Variants in FMO3 observed in about 807,000 individuals in gnomAD.
FMO3 encodes the protein flavin containing dimethylaniline monoxygenase 3.
Under a neutral mutation model 39.4 loss-of-function variants are expected in FMO3, and 40 were observed. The observed-to-expected ratio is 1.02, with a 90% CI of 0.79 to 1.32. The LOEUF is 1.32. Among genes scored for constraint, FMO3 ranks in the 40% most tolerant of loss-of-function variants. FMO3 has a pLI of 0.00. For missense variants in FMO3, 680 were observed against 651.8 expected, an observed-to-expected ratio of 1.04 and a Z score of -0.47; for synonymous variants, 219 against 228.8, an observed-to-expected ratio of 0.96 and a Z score of 0.39.
At chr1:171,100,395 C>T (rs1029880948) in intron 2 of FMO3, 1 of 152,248 alleles carries the variant, frequency 6.6e-6, no homozygotes, top group Non-Finnish European at 1.5e-5. Context: ...ATTTGTCCTA[C>T]TGGATTTCAA....
intron 2 of FMO3, 59 bp from the exon 3 acceptor site, chr1:171,103,726 G>A (rs1655511117): frequency 1.4e-6 from 2 of 1,410,232 alleles, no homozygotes; most frequent in Middle Eastern, 1.8e-4. Flanking sequence ...AACCAGCCCT[G>A]ACCATGATCA....
chr1:171,096,626 C>CTTTATATATTAAATACATAATATAT (rs1655085104), intron 2 of FMO3, among the ~76,000 whole-genome samples: 1 of 103,810 alleles, frequency 9.6e-6, no homozygotes, highest in Admixed American at 1.2e-4. Flanking sequence ...ACATAATATA[C>CTTTATATATTAAATACATAATATAT]TTTATATATT....
rs141741081 is a variant in FMO3, at chr1:171,102,017, T to C, written c.133-1768T>C. Among the ~76,000 whole-genome samples, 19 of 152,262 alleles carry C rather than the reference T, an allele frequency of 1.2e-4. No individual in the cohort carries two copies. The East Asian group carries it at 3.7e-3, about 29-fold the overall frequency. On this transcript the variant is annotated intron_variant, in intron 2 of 8. Coordinates refer to ENST00000367755, the MANE Select transcript of FMO3 (RefSeq NM_001002294.3). Reference sequence around the variant, plus strand: ...TAAACTTACCCAACTCACAGAAAGCTACAAATTTTTGCACTTCCCCATCCC... The same window carrying C: ...TAAACTTACCCAACTCACAGAAAGCCACAAATTTTTGCACTTCCCCATCCC...
At chr1:171,104,006 T>C in intron 3 of FMO3, 33 bp downstream of exon 3, 1 of 1,491,572 alleles carries the variant, frequency 6.7e-7, no homozygotes, top group Non-Finnish European at 9.3e-7. Context: ...GCTCTTGTCA[T>C]AATGCTGAAG....
intron 2 of FMO3, 34 bp from the exon 3 acceptor site, chr1:171,103,751 C>T: frequency 1.9e-6 from 3 of 1,540,180 alleles, no homozygotes; most frequent in Non-Finnish European, 1.8e-6. Context: ...ACTCATTTAC[C>T]AATTCGCTTC....
chr1:171,109,924 A>T (rs1443736237), intron 5 of FMO3, among the ~76,000 whole-genome samples: 1 of 152,142 alleles, frequency 6.6e-6, no homozygotes, highest in Non-Finnish European at 1.5e-5. Context: ...TTTAAAAAAG[A>T]CAAAGAAAGC....
chr1:171,096,521 A>C (rs866571543), intron 2 of FMO3, among the ~76,000 whole-genome samples: 17 of 89,804 alleles, frequency 1.9e-4, no homozygotes, highest in South Asian at 7.7e-4. Context: ...TAAATACATA[A>C]TATACTTTAT....
intron 2 of FMO3, among the ~76,000 whole-genome samples, chr1:171,093,823 A>G (rs113766585): frequency 1.4e-4 from 19 of 140,240 alleles, no homozygotes; most frequent in African/African-American, 5.1e-4. Context: ...ATACTCACTA[A>G]TATCTTTTTT....
chr1:171,099,044 A>G (rs960470234), intron 2 of FMO3, among the ~76,000 whole-genome samples: 4 of 152,038 alleles, frequency 2.6e-5, no homozygotes, highest in Non-Finnish European at 5.9e-5. Context: ...TAGTGCTATC[A>G]ATTTCCCTCT....
intron 2 of FMO3, among the ~76,000 whole-genome samples, chr1:171,103,271 G>T (rs1282002460): frequency 6.6e-6 from 1 of 152,110 alleles, no homozygotes; most frequent in African/African-American, 2.4e-5. Flanking sequence ...TTTCTTAAAA[G>T]ATATTAAGAA....
chr1:171,095,045 C>T (rs543763974), intron 2 of FMO3, among the ~76,000 whole-genome samples: 1 of 152,226 alleles, frequency 6.6e-6, no homozygotes, highest in South Asian at 2.1e-4. Context: ...TTGGCCCTTC[C>T]AATCCATGAG....
At chr1:171,097,705 G>A (rs1038883268) in intron 2 of FMO3, among the ~76,000 whole-genome samples, 1 of 149,882 alleles carries the variant, frequency 6.7e-6, no homozygotes, top group Non-Finnish European at 1.5e-5. Flanking sequence ...TTTGTCAGAT[G>A]AGTAGGTTGC....
chr1:171,091,385 A>G lies in FMO3; in HGVS notation c.-7+404A>G, dbSNP rs74121635. Among the ~76,000 whole-genome samples, 354 of 152,264 alleles carry G rather than the reference A, an allele frequency of 2.3e-3. 2 individuals carry two copies. Among genetic ancestry groups the G allele is most frequent in the African/African-American group, 8.2e-3 (340 of 41,542 alleles). ...TGTTTGTTTCTGGGAATCACGGATC[A>G]TGATGTTTAATCATCCAAGTCTATT... On this transcript the variant is annotated intron_variant, in intron 1 of 8. Coordinates refer to ENST00000367755, the MANE Select transcript of FMO3 (RefSeq NM_001002294.3).
Position 171,107,830 on chromosome 1 carries a change from C to T in FMO3, c.477C>T (p.Ser159=). The T allele has an allele frequency of 6.2e-7, 1 of 1,613,892 alleles. No individual in the cohort carries two copies. The highest frequency in any genetic ancestry group is 1.1e-5 in the South Asian group (1 of 91,074). ...TGTATCCCAACCTACCAAAAGAGTC[C>T]TTTCCAGGTAAGGCCAAAATTTAAG... ...HHVYPNLPKE[S]FPGLNHFKGK... is the part of the protein sequence containing the mutation. Residue 159 remains serine (S), a synonymous_variant, in exon 4 of 9, where the codon TCC becomes TCT. Transcript: ENST00000367755.
At chr1:171,091,284 G>A (rs554244071) in intron 1 of FMO3, among the ~76,000 whole-genome samples, 2 of 151,970 alleles carry the variant, frequency 1.3e-5, no homozygotes, top group African/African-American at 2.4e-5. Flanking sequence ...AGGGTGGGAT[G>A]GGTAAATGAA....
At chr1:171,108,312 G>A in intron 5 of FMO3, 91 bp downstream of exon 5, 3 of 1,474,666 alleles carry the variant, frequency 2.0e-6, no homozygotes, top group Non-Finnish European at 2.8e-6. Context: ...GGGGGAGGAG[G>A]GAAGGGTATC....
At chr1:171,097,599 C>G (rs1201678276) in intron 2 of FMO3, among the ~76,000 whole-genome samples, 2 of 141,882 alleles carry the variant, frequency 1.4e-5, no homozygotes, top group Admixed American at 7.3e-5. Flanking sequence ...CTTTTGAGAA[C>G]TGTCTGCTCA....
At chr1:171,096,960 G>A (rs893742828) in intron 2 of FMO3, among the ~76,000 whole-genome samples, 20 of 150,542 alleles carry the variant, frequency 1.3e-4, no homozygotes, top group African/African-American at 4.9e-4. Context: ...CCCACAACAG[G>A]CCCCAGTGTG....
At chr1:171,110,722 G>A (rs1655866702) in intron 5 of FMO3, 76 bp from the exon 6 acceptor site, 3 of 1,329,100 alleles carry the variant, frequency 2.3e-6, no homozygotes, top group Middle Eastern at 3.6e-4. Flanking sequence ...CATTCCTCAA[G>A]AGGGATCTGG....
Sources: allele counts gnomAD v4.1 joint callset (sites outside exome capture counted in the v4.1 genomes callset), GRCh38; gene constraint gnomAD v4.1.1; transcripts MANE v1.5; gene names NCBI Gene and HGNC (gene_info 2026-07-23, HGNC 2026-07-21).